DIP2C: variants seen among roughly 807,000 people sequenced by gnomAD.
DIP2C encodes the protein disco-interacting protein 2 homolog C.
In DIP2C, 33 loss-of-function variants were observed where a neutral mutation model predicts 192.4. That is an observed-to-expected ratio of 0.17 (90% CI 0.13 to 0.23). DIP2C has a LOEUF of 0.23. DIP2C is among the 10% of genes least tolerant of loss of function. DIP2C has a pLI of 1.00. For missense variants in DIP2C, 1,537 were observed against 2,110.1 expected, an observed-to-expected ratio of 0.73 and a Z score of 5.32; for synonymous variants, 979 against 864.1, an observed-to-expected ratio of 1.13 and a Z score of -2.33.
At chr10:564,734 C>T (rs550771633) in intron 1 of DIP2C, among the ~76,000 whole-genome samples, 2 of 152,266 alleles carry the variant, frequency 1.3e-5, no homozygotes, top group South Asian at 2.1e-4. Context: ...CAGCAGACAC[C>T]AGGCACTGCA....
At chr10:494,864 C>T (rs1174544451) in intron 1 of DIP2C, among the ~76,000 whole-genome samples, 1 of 152,198 alleles carries the variant, frequency 6.6e-6, no homozygotes, top group Admixed American at 6.5e-5. Context: ...ACTCTATGAT[C>T]CAGCAATCCC....
chr10:591,448 ACT>A (rs1364374200), intron 1 of DIP2C, among the ~76,000 whole-genome samples: 1 of 151,728 alleles, frequency 6.6e-6, no homozygotes, highest in Non-Finnish European at 1.5e-5. Flanking sequence ...TTTCTAAGCC[ACT>A]CTCTCACACC....
At chr10:298,583 G>T (rs1381976303) in intron 32 of DIP2C, among the ~76,000 whole-genome samples, 1 of 152,178 alleles carries the variant, frequency 6.6e-6, no homozygotes, top group Non-Finnish European at 1.5e-5. Flanking sequence ...CCTGCCTCTG[G>T]GTGACCAAGC....
chr10:373,571 TGGTCTTTGGAACA>T (rs1005000372), intron 17 of DIP2C, among the ~76,000 whole-genome samples: 12 of 152,122 alleles, frequency 7.9e-5, no homozygotes, highest in African/African-American at 2.9e-4. Flanking sequence ...AAACCCCTTG[TGGTCTTTGGAACA>T]CCAAGCTCTG....
At position 548,203 on chromosome 10, in the gene DIP2C, G is replaced by C. The variant is rs535840021; in HGVS notation, c.86-61673C>G. Among the ~76,000 whole-genome samples the C allele has an allele frequency of 6.9e-4, 35 of 50,660 alleles. 1 individual carries two copies. The highest frequency in any genetic ancestry group is 2.0e-3 in the African/African-American group (30 of 15,104). The allele number at this position is 50,660 out of a possible 152,430, so 33.2% of individuals were successfully genotyped here. On this transcript the variant is annotated intron_variant, in intron 1 of 36. Coordinates refer to ENST00000280886, the MANE Select transcript of DIP2C (RefSeq NM_014974.3). Reference sequence around the variant, plus strand: ...TTTTCAGTCCAATTCACACGAGTCTGCCCCACCCCCCCCCCCACAGGAAAG... The same window carrying C: ...TTTTCAGTCCAATTCACACGAGTCTCCCCCACCCCCCCCCCCACAGGAAAG...
Position 300,194 on chromosome 10 carries a change from C to T in DIP2C, c.3986+9837G>A, listed in dbSNP as rs575377590. On this transcript the variant is annotated intron_variant, in intron 32 of 36. Transcript: ENST00000280886. ...AGAAGAACTGAAACCAGGTCTTGAA[C>T]AGTATCTATAAACCCATGTTCACAG... Among the ~76,000 whole-genome samples the T allele has an allele frequency of 6.6e-5, 10 of 152,314 alleles. No individual in the cohort carries two copies. The South Asian group carries it at 8.3e-4, about 13-fold the overall frequency.
At chr10:595,779 A>G (rs1048094876) in intron 1 of DIP2C, among the ~76,000 whole-genome samples, 25 of 152,138 alleles carry the variant, frequency 1.6e-4, no homozygotes, top group African/African-American at 4.6e-4. Flanking sequence ...TTTGGTTGGG[A>G]AAAAAAATTA....
chr10:595,061 C>T (rs999520575), intron 1 of DIP2C, among the ~76,000 whole-genome samples: 1 of 152,192 alleles, frequency 6.6e-6, no homozygotes, highest in Non-Finnish European at 1.5e-5. Flanking sequence ...TCCACCGACC[C>T]GCAGGTCTTC....
intron 17 of DIP2C, among the ~76,000 whole-genome samples, chr10:378,166 C>T (rs1259517135): frequency 2.0e-5 from 3 of 152,152 alleles, no homozygotes; most frequent in Admixed American, 2.0e-4. Context: ...CTAAAACTAA[C>T]ATCGGGAGAA....
chr10:563,690 A>G (rs1410199095), intron 1 of DIP2C, among the ~76,000 whole-genome samples: 1 of 152,242 alleles, frequency 6.6e-6, no homozygotes, highest in Non-Finnish European at 1.5e-5. Context: ...TGCTGATTAC[A>G]TTGCATTTGA....
chr10:427,008 AAAC>A (rs1166632262), intron 4 of DIP2C, among the ~76,000 whole-genome samples: 2 of 152,268 alleles, frequency 1.3e-5, no homozygotes, highest in Admixed American at 6.5e-5. Context: ...TTAAAATAGA[AAAC>A]TACTAAGTTT....
At chr10:536,430 C>A (rs113509750) in intron 1 of DIP2C, among the ~76,000 whole-genome samples, 1 of 152,102 alleles carries the variant, frequency 6.6e-6, no homozygotes, top group Non-Finnish European at 1.5e-5. Flanking sequence ...CCCATAGGGA[C>A]GTCACAGTCC....
chr10:513,464 C>A (rs572237877), intron 1 of DIP2C, among the ~76,000 whole-genome samples: 5 of 152,304 alleles, frequency 3.3e-5, no homozygotes, highest in Non-Finnish European at 7.4e-5. Flanking sequence ...CAGCACACTG[C>A]GGCCCGCGCC....
intron 1 of DIP2C, among the ~76,000 whole-genome samples, chr10:527,344 TTGC>T (rs1439500250): frequency 3.3e-5 from 5 of 152,234 alleles, no homozygotes; most frequent in African/African-American, 7.2e-5. Flanking sequence ...TCAGCAAATA[TTGC>T]TGATTAGCTA....
chr10:550,312 T>G (rs1011450683), intron 1 of DIP2C, among the ~76,000 whole-genome samples: 1 of 152,140 alleles, frequency 6.6e-6, no homozygotes, highest in Non-Finnish European at 1.5e-5. Flanking sequence ...GCCCGGCCCA[T>G]GTAGCTATTT....
chr10:343,254 A>G lies in DIP2C; in HGVS notation c.3453+1555T>C, dbSNP rs536789973. 2.0e-5 allele frequency among the ~76,000 whole-genome samples: 3 copies of G among 152,340 alleles called. No homozygotes were observed. The East Asian group carries it at 5.8e-4, about 29-fold the overall frequency. ...CAGTGAGCTGAGATCGCACCACTGC[A>G]CTCCAGCCTGGGCAACAGAGCAAGA... On this transcript the variant is annotated intron_variant, in intron 28 of 36. Coordinates refer to ENST00000280886, the MANE Select transcript of DIP2C (RefSeq NM_014974.3).
intron 3 of DIP2C, among the ~76,000 whole-genome samples, chr10:448,523 G>A (rs1288651965): frequency 2.5e-5 from 3 of 120,640 alleles, no homozygotes; most frequent in Non-Finnish European, 3.5e-5. Context: ...CACTCCCGTT[G>A]ATACTCAGGA....
chr10:382,827 T>C (rs373187934), intron 16 of DIP2C, 66 bp from the exon 17 acceptor site: 23 of 1,182,052 alleles, frequency 1.9e-5, no homozygotes, highest in South Asian at 4.8e-5. Context: ...AATCCCACCA[T>C]AGAAAATAGT....
chr10:543,453 T>A (rs996951661), intron 1 of DIP2C, among the ~76,000 whole-genome samples: 1 of 152,252 alleles, frequency 6.6e-6, no homozygotes, highest in African/African-American at 2.4e-5. Context: ...CATCTCTTAC[T>A]GCACCACTAA....
Sources: gnomAD v4.1 joint callset for allele counts (sites outside exome capture counted in the v4.1 genomes callset) on GRCh38, gnomAD v4.1.1 for gene constraint, MANE v1.5 for transcripts, NCBI Gene and HGNC (gene_info 2026-07-23, HGNC 2026-07-21) for gene names.